The following COL22A1 variants were observed in gnomAD, a reference collection of about 807,000 sequenced individuals.
The protein encoded by COL22A1 is collagen type XXII alpha 1 chain.
A neutral mutation model predicts 248.9 loss-of-function variants in COL22A1; 221 were observed. The observed-to-expected ratio is 0.89, with a 90% CI of 0.80 to 0.99. The LOEUF (loss-of-function observed/expected upper bound fraction) is 0.99, where lower values mean the gene tolerates loss of function less well. Among genes scored for constraint, COL22A1 ranks in the 50% least tolerant of loss-of-function variants. COL22A1 has a pLI of 0.00. For synonymous variants in COL22A1, 891 were observed against 793.4 expected (o/e 1.12, Z -2.07); for missense variants, 2,240 against 2,179.0 (o/e 1.03, Z -0.56).
chr8:138,907,999 A>T (rs1815152888), intron 1 of COL22A1, among the ~76,000 whole-genome samples: 1 of 151,878 alleles, frequency 6.6e-6, no homozygotes, highest in Admixed American at 6.6e-5. Flanking sequence ...AAATCGTAAC[A>T]CCTGTCCGTC....
At chr8:138,760,110 C>G (rs1334678191) in intron 18 of COL22A1, 133 bp downstream of exon 18, 1 of 538,202 alleles carries the variant, frequency 1.9e-6, no homozygotes, top group South Asian at 4.6e-5. Context: ...GCCCCAGCCA[C>G]CACCCTTTGT....
intron 56 of COL22A1, 52 bp from the exon 57 acceptor site, chr8:138,608,041 C>T (rs372290135): frequency 4.6e-4 from 724 of 1,558,202 alleles, no homozygotes; most frequent in Admixed American, 1.2e-3. Context: ...AAGAGCAGGA[C>T]GGTGGAACAA....
rs774071621 is a variant in COL22A1 at position 138,661,105 on chromosome 8, C to CACAG, written c.3241-629_3241-626dup. Among the ~76,000 whole-genome samples, 3 of 100,460 alleles carry CACAG rather than the reference C, an allele frequency of 3.0e-5. No homozygotes were observed. In the East Asian group the frequency reaches 8.8e-4, roughly 29 times the overall value. 65.9% of individuals were successfully genotyped at this position (100,460 alleles called of 152,430 possible). On this transcript the variant is annotated intron_variant, in intron 43 of 64. Coordinates refer to ENST00000303045, the MANE Select transcript of COL22A1 (RefSeq NM_152888.3). ...ACACACAAACATACACACACACACACACAGACACACACACCCTGTCTTAAA... is the reference window on the plus strand; with the variant it reads ...ACACACAAACATACACACACACACACACAGACAGACACACACACCCTGTCTTAAA...
chr8:138,775,949 G>C lies in COL22A1; in HGVS notation c.1803+17C>G. ...TATGGAAAGCCGTATTGATGAATGA[G>C]TGCAGACTATAAATACCTTTTCTCC... is the stretch of plus-strand genomic sequence containing the variant. On this transcript the variant is annotated intron_variant, in intron 16 of 64. Transcript: ENST00000303045. 1 of 1,612,890 alleles carries C rather than the reference G, an allele frequency of 6.2e-7. No individual in the cohort carries two copies. The highest frequency in any genetic ancestry group is 8.5e-7 in the Non-Finnish European group (1 of 1,178,852).
chr8:138,795,095 A>C (rs1250438553), intron 12 of COL22A1, among the ~76,000 whole-genome samples: 3 of 150,516 alleles, frequency 2.0e-5, no homozygotes, highest in Non-Finnish European at 4.4e-5. Context: ...AACTCATTTA[A>C]AAAAAAAAGT....
chr8:138,713,267 G>A (rs1829163009), intron 30 of COL22A1, among the ~76,000 whole-genome samples: 2 of 152,148 alleles, frequency 1.3e-5, no homozygotes, highest in Non-Finnish European at 2.9e-5. Flanking sequence ...CTTTAGCCTG[G>A]AGTCAGCATG....
chr8:138,691,279 ATGTATG>A (rs1189474198), intron 35 of COL22A1, among the ~76,000 whole-genome samples: 1 of 152,186 alleles, frequency 6.6e-6, no homozygotes, highest in Non-Finnish European at 1.5e-5. Context: ...TCAGTTGCAT[ATGTATG>A]TGTATGTGTG....
intron 2 of COL22A1, among the ~76,000 whole-genome samples, chr8:138,882,286 T>G (rs12541806): frequency 0.65 from 98,018 of 151,250 alleles, 33,271 homozygotes; most frequent in East Asian, 0.88. Context: ...ACATTAACAC[T>G]CACATGCATA....
At chr8:138,854,510 G>A (rs977810392) in intron 3 of COL22A1, among the ~76,000 whole-genome samples, 1 of 152,166 alleles carries the variant, frequency 6.6e-6, no homozygotes, top group African/African-American at 2.4e-5. Context: ...TCAAGGCCAG[G>A]TCTGACTAAG....
chr8:138,779,697 A>G, intron 13 of COL22A1, 135 bp from the exon 14 acceptor site: 2 of 636,940 alleles, frequency 3.1e-6, no homozygotes, highest in Non-Finnish European at 2.9e-6. Context: ...GCCACCAGTG[A>G]GCAGGGCCCG....
Position 138,883,264 on chromosome 8 carries a change from C to T in COL22A1, c.-72-20G>A. 1 of 1,282,796 alleles carries T rather than the reference C, an allele frequency of 7.8e-7. No homozygotes were observed. Among genetic ancestry groups the T allele is most frequent in the Non-Finnish European group, 1.1e-6 (1 of 925,290 alleles). The allele number at this position is 1,282,796 out of a possible 1,614,324, so 79.5% of individuals were successfully genotyped here. On this transcript the variant is annotated intron_variant, in intron 1 of 64. Coordinates refer to ENST00000303045, the MANE Select transcript of COL22A1 (RefSeq NM_152888.3). The stretch of plus-strand genomic sequence containing the variant: ...CATGGCCTGTGTGGAGAAAGACACC[C>T]TTAGAGAAGGCTCTCAAGCTGAAAG...
chr8:138,903,009 G>A (rs1003896215), intron 1 of COL22A1, among the ~76,000 whole-genome samples: 7 of 152,086 alleles, frequency 4.6e-5, no homozygotes, highest in African/African-American at 2.4e-5. Context: ...GACTGGCGGG[G>A]CTAACACGTG....
At chr8:138,824,055 A>G (rs989612448) in intron 6 of COL22A1, among the ~76,000 whole-genome samples, 1 of 152,220 alleles carries the variant, frequency 6.6e-6, no homozygotes, top group Admixed American at 6.5e-5. Flanking sequence ...ATTTATTTTA[A>G]TTCCATCACC....
At chr8:138,782,875 C>T (rs1291660284) in intron 12 of COL22A1, among the ~76,000 whole-genome samples, 2 of 152,212 alleles carry the variant, frequency 1.3e-5, no homozygotes. Flanking sequence ...GGAAAGAACA[C>T]CTTTGCCAGC....
chr8:138,700,088 C>T (rs1210828213), intron 32 of COL22A1, 24 bp downstream of exon 32: 4 of 1,611,958 alleles, frequency 2.5e-6, no homozygotes, highest in African/African-American at 1.3e-5. Flanking sequence ...ACACTGGGCA[C>T]CCCGAGGCAC....
chr8:138,791,704 C>T (rs566751030), intron 12 of COL22A1, among the ~76,000 whole-genome samples: 1 of 152,296 alleles, frequency 6.6e-6, no homozygotes, highest in East Asian at 1.9e-4. Context: ...AGGCTGCATC[C>T]CAGGAAGCTG....
chr8:138,812,400 A>G (rs1306106993), intron 8 of COL22A1, among the ~76,000 whole-genome samples: 1 of 152,244 alleles, frequency 6.6e-6, no homozygotes, highest in South Asian at 2.1e-4. Flanking sequence ...AGCAGGCTCC[A>G]TTATTATTTG....
chr8:138,806,082 GTGTA>G (rs1243613241), intron 10 of COL22A1, among the ~76,000 whole-genome samples: 1 of 37,960 alleles, frequency 2.6e-5, no homozygotes, highest in Non-Finnish European at 7.1e-5. Flanking sequence ...GTGATGGTGT[GTGTA>G]ATGGTGTGTG....
chr8:138,612,409 CCTCTGTGCACAAACAGGCAGAT>C (rs1818935696), intron 56 of COL22A1, among the ~76,000 whole-genome samples: 1 of 152,114 alleles, frequency 6.6e-6, no homozygotes, highest in Non-Finnish European at 1.5e-5. Context: ...GAAGGATTTG[CCTCTGTGCACAAACAGGCAGAT>C]ATAACATCCA....
Sources: gnomAD v4.1 joint callset for allele counts (sites outside exome capture counted in the v4.1 genomes callset) on GRCh38, gnomAD v4.1.1 for gene constraint, MANE v1.5 for transcripts, NCBI Gene and HGNC (gene_info 2026-07-23, HGNC 2026-07-21) for gene names.